AGBL4: variants seen among roughly 807,000 people sequenced by gnomAD.
AGBL4 encodes AGBL carboxypeptidase 4.
Under a neutral mutation model 66.4 loss-of-function variants are expected in AGBL4, and 58 were observed. The ratio of observed to expected loss-of-function variants is 0.87; its 90% confidence interval spans 0.71 to 1.09. The LOEUF (loss-of-function observed/expected upper bound fraction) is 1.09, where lower values mean the gene tolerates loss of function less well. Ranked by LOEUF, AGBL4 falls within the 50% of genes least tolerant of loss-of-function variation. The pLI is 0.00. For missense variants in AGBL4, 579 were observed against 631.0 expected, an observed-to-expected ratio of 0.92 and a Z score of 0.88; for synonymous variants, 234 against 222.9, an observed-to-expected ratio of 1.05 and a Z score of -0.44.
intron 1 of AGBL4, chr1:49,994,980 C>T (rs1660254221): frequency 8.1e-6 from 3 of 371,670 alleles, no homozygotes; most frequent in Non-Finnish European, 1.1e-5. Flanking sequence ...GAAAGAGCCC[C>T]GTGGGCACTC....
At chr1:49,607,037 C>G (rs1387366062) in intron 3 of AGBL4, among the ~76,000 whole-genome samples, 1 of 152,072 alleles carries the variant, frequency 6.6e-6, no homozygotes, top group Admixed American at 6.6e-5. Context: ...ATCCATACTT[C>G]AAAATTCAGT....
intron 3 of AGBL4, among the ~76,000 whole-genome samples, chr1:49,444,121 G>T (rs2148672313): frequency 6.6e-6 from 1 of 152,004 alleles, no homozygotes; most frequent in East Asian, 1.9e-4. Flanking sequence ...TGTCTGAGAA[G>T]GTACTTGATA....
At chr1:49,227,985 C>T (rs911625059) in intron 4 of AGBL4, among the ~76,000 whole-genome samples, 49 of 152,184 alleles carry the variant, frequency 3.2e-4, no homozygotes, top group African/African-American at 1.1e-3. Context: ...ATGAGAAGCC[C>T]CAAATTCAAA....
intron 3 of AGBL4, among the ~76,000 whole-genome samples, chr1:49,284,275 C>A (rs975905060): frequency 2.8e-4 from 43 of 152,046 alleles, no homozygotes; most frequent in African/African-American, 8.2e-4. Context: ...CCAAACTAAG[C>A]TTCATAAGTG....
chr1:49,237,831 C>T (rs115500026), intron 4 of AGBL4, among the ~76,000 whole-genome samples: 1,647 of 151,742 alleles, frequency 0.011, 26 homozygotes, highest in African/African-American at 0.038. Flanking sequence ...TACTAAGAGT[C>T]CTTTTAAAAT....
chr1:48,725,935 G>A (rs1435353631), intron 6 of AGBL4, among the ~76,000 whole-genome samples: 1 of 152,084 alleles, frequency 6.6e-6, no homozygotes, highest in South Asian at 2.1e-4. Flanking sequence ...GGATAATAAC[G>A]AACATCTGCA....
At chr1:49,893,112 C>T (rs924590525) in intron 1 of AGBL4, among the ~76,000 whole-genome samples, 7 of 152,072 alleles carry the variant, frequency 4.6e-5, no homozygotes, top group Admixed American at 1.3e-4. Context: ...ATCAACAATC[C>T]TTAGAAGGGA....
At chr1:49,013,828 T>A (rs1215388641) in intron 5 of AGBL4, among the ~76,000 whole-genome samples, 1 of 152,192 alleles carries the variant, frequency 6.6e-6, no homozygotes, top group Non-Finnish European at 1.5e-5. Flanking sequence ...AGTTTGGAAG[T>A]ACATGGCGTC....
intron 6 of AGBL4, among the ~76,000 whole-genome samples, chr1:48,678,193 T>C (rs894596414): frequency 2.0e-5 from 3 of 152,158 alleles, no homozygotes; most frequent in Admixed American, 1.3e-4. Context: ...ACTGCACAGC[T>C]GCTGGCCACA....
chr1:49,076,357 T>C (rs1027929095), intron 4 of AGBL4, among the ~76,000 whole-genome samples: 2 of 152,220 alleles, frequency 1.3e-5, no homozygotes, highest in Non-Finnish European at 2.9e-5. Flanking sequence ...GCTATGTAAA[T>C]AGTTTTTATA....
intron 3 of AGBL4, among the ~76,000 whole-genome samples, chr1:49,468,037 A>T (rs1226335505): frequency 6.6e-6 from 1 of 151,852 alleles, no homozygotes; most frequent in Non-Finnish European, 1.5e-5. Flanking sequence ...ATGACATTTA[A>T]AATTAGGCAA....
At chr1:49,562,691 A>G (rs1644082332) in intron 3 of AGBL4, among the ~76,000 whole-genome samples, 1 of 152,060 alleles carries the variant, frequency 6.6e-6, no homozygotes, top group South Asian at 2.1e-4. Flanking sequence ...TACCAGTACC[A>G]TGCTGTTTTG....
intron 5 of AGBL4, among the ~76,000 whole-genome samples, chr1:49,027,959 C>T (rs1302773125): frequency 6.6e-6 from 1 of 152,148 alleles, no homozygotes; most frequent in Non-Finnish European, 1.5e-5. Flanking sequence ...TCCCTGCCCC[C>T]AGTTCTAGGG....
chr1:49,432,267 A>T (rs542397196), intron 3 of AGBL4, among the ~76,000 whole-genome samples: 1 of 152,232 alleles, frequency 6.6e-6, no homozygotes, highest in East Asian at 1.9e-4. Flanking sequence ...ATGCACACTT[A>T]CACGTAGACA....
chr1:48,800,360 C>A (rs998991000), intron 6 of AGBL4, among the ~76,000 whole-genome samples: 1 of 152,134 alleles, frequency 6.6e-6, no homozygotes, highest in Non-Finnish European at 1.5e-5. Context: ...TGTTTCATTT[C>A]TAATTGAGCT....
chr1:48,725,430 T>A (rs893245184), intron 6 of AGBL4, among the ~76,000 whole-genome samples: 2 of 152,240 alleles, frequency 1.3e-5, no homozygotes, highest in Non-Finnish European at 2.9e-5. Context: ...AGTTTTTATA[T>A]GTATTTGAAT....
At chr1:49,160,861 C>T (rs1414279776) in intron 4 of AGBL4, among the ~76,000 whole-genome samples, 2 of 152,170 alleles carry the variant, frequency 1.3e-5, no homozygotes, top group Non-Finnish European at 2.9e-5. Flanking sequence ...AAGGGTAAAA[C>T]GGCTTACTCA....
chr1:49,990,208 G>C (rs1324787414), intron 1 of AGBL4, among the ~76,000 whole-genome samples: 1 of 152,104 alleles, frequency 6.6e-6, no homozygotes, highest in Non-Finnish European at 1.5e-5. Context: ...ATGTAAAGAT[G>C]GCATTTGTTT....
intron 3 of AGBL4, among the ~76,000 whole-genome samples, chr1:49,564,898 A>C (rs1644153027): frequency 6.6e-6 from 1 of 152,132 alleles, no homozygotes; most frequent in African/African-American, 2.4e-5. Flanking sequence ...TCTAATGTTG[A>C]CAGTGGGGTG....
Sources: allele counts gnomAD v4.1 joint callset (sites outside exome capture counted in the v4.1 genomes callset), GRCh38; gene constraint gnomAD v4.1.1; transcripts MANE v1.5; gene names NCBI Gene and HGNC (gene_info 2026-07-23, HGNC 2026-07-21).